Variants in FDFT1 observed in about 807,000 individuals in gnomAD.
The protein encoded by FDFT1 is squalene synthase.
In FDFT1, 68 loss-of-function variants were observed where a neutral mutation model predicts 46.8. That is an observed-to-expected ratio of 1.45 (90% confidence interval 1.19 to 1.78). The LOEUF (loss-of-function observed/expected upper bound fraction) is 1.78. Ranked by LOEUF, FDFT1 falls within the 40% of genes most tolerant of loss-of-function variation. The pLI, the probability that FDFT1 is intolerant of heterozygous loss-of-function variation, is 0.00. For missense variants in FDFT1, 928 were observed against 524.4 expected (o/e 1.77, Z -7.52); for synonymous variants, 351 against 185.1 (o/e 1.90, Z -7.28).
At chr8:11,811,582 TC>T (rs1807718739) in intron 3 of FDFT1, among the ~76,000 whole-genome samples, 1 of 152,230 alleles carries the variant, frequency 6.6e-6, no homozygotes, top group Non-Finnish European at 1.5e-5. Context: ...TTCAGTGTCT[TC>T]CTGTGTTCAT....
intron 2 of FDFT1, 157 bp downstream of exon 2, chr8:11,809,048 G>T: frequency 7.5e-7 from 1 of 1,339,382 alleles, no homozygotes; most frequent in Non-Finnish European, 9.9e-7. Flanking sequence ...ACTTTAGAAA[G>T]CCCTTCCAGG....
In FDFT1 at chr8:11,838,839, C is replaced by CTT; in HGVS notation, c.*231_*232dup. ...CTTGTGGGTGATGATCACTGTGCTG[C>CTT]TTGTGGCTCATGGCAGAGCATTCAG... On this transcript the variant is annotated 3_prime_UTR_variant, in exon 8 of 8. Transcript: ENST00000220584. The CTT allele has an allele frequency of 1.8e-6, 1 of 551,348 alleles. No individual in the cohort carries two copies. The highest frequency in any genetic ancestry group is 2.0e-5 in the South Asian group (1 of 49,680). 34.2% of individuals were successfully genotyped at this position (551,348 alleles called of 1,614,324 possible). A position where few individuals can be genotyped will look rare whatever the true frequency, so the allele number is the denominator to read the frequency against.
At chr8:11,801,936 G>A (rs750324273), upstream of FDFT1, 2 of 454,964 alleles carry the variant, frequency 4.4e-6, no homozygotes, top group South Asian at 3.1e-5. Flanking sequence ...TGATCCACCC[G>A]CCTTGGCCTC....
chr8:11,809,400 T>C (rs1168794451), intron 2 of FDFT1: 1 of 1,207,696 alleles, frequency 8.3e-7, no homozygotes, highest in African/African-American at 1.6e-5. Flanking sequence ...TCCATAGTTC[T>C]ACATTGGTTA....
intron 3 of FDFT1, among the ~76,000 whole-genome samples, chr8:11,816,867 C>A (rs773097339): frequency 1.6e-4 from 25 of 152,188 alleles, no homozygotes; most frequent in Non-Finnish European, 3.4e-4. Flanking sequence ...ATTTCTTTCT[C>A]TTGCCTGATT....
At chr8:11,837,958 T>C (rs917448874) in intron 7 of FDFT1, among the ~76,000 whole-genome samples, 3 of 152,190 alleles carry the variant, frequency 2.0e-5, no homozygotes, top group African/African-American at 4.8e-5. Flanking sequence ...TGTCAAGCTG[T>C]GGTCTGTACT....
At chr8:11,823,979 C>T (rs1019904300) in intron 4 of FDFT1, among the ~76,000 whole-genome samples, 2 of 152,080 alleles carry the variant, frequency 1.3e-5, no homozygotes, top group African/African-American at 4.8e-5. Context: ...CTCCTGGGCT[C>T]AAGCGATTCA....
rs762956536 is a variant in FDFT1 at position 11,830,430 on chromosome 8, G to A, written c.879+10G>A. ...CTGTGCTATTCCACAGGTAGGGAAG[G>A]GGGCTCCTCTGGGTGGATACGGGGC... On this transcript the variant is annotated intron_variant, in intron 6 of 7. Coordinates refer to ENST00000220584, the MANE Select transcript of FDFT1 (RefSeq NM_004462.5). The A allele has an allele frequency of 8.1e-6, 13 of 1,602,278 alleles. No individual in the cohort carries two copies. Among genetic ancestry groups the A allele is most frequent in the Admixed American group, 5.0e-5 (3 of 59,952 alleles).
intron 2 of FDFT1, chr8:11,809,288 C>T (rs760554389): frequency 2.7e-6 from 3 of 1,095,836 alleles, no homozygotes; most frequent in Non-Finnish European, 3.3e-6. Context: ...GACCAGTTGC[C>T]TTTATGTATG....
At chr8:11,802,264 C>T (rs1304705934), upstream of FDFT1, 1 of 383,772 alleles carries the variant, frequency 2.6e-6, no homozygotes, top group Non-Finnish European at 5.1e-6. Flanking sequence ...TTAGGCTCTA[C>T]AGAGAGCGGC....
rs531759815 is a variant in FDFT1 at position 11,832,551 on chromosome 8, C to CAAAAAAAAAAAA, written c.1032+895_1032+906dup. Among the ~76,000 whole-genome samples, 51 of 36,372 alleles carry CAAAAAAAAAAAA rather than the reference C, an allele frequency of 1.4e-3. 6 individuals carry two copies. The highest frequency in any genetic ancestry group is 1.8e-3 in the Non-Finnish European group (33 of 18,128). The allele number at this position is 36,372 out of a possible 152,430, so 23.9% of individuals were successfully genotyped here. A position where few individuals can be genotyped will look rare whatever the true frequency, so the allele number is the denominator to read the frequency against. ...TGGGTGATAGAGTGAGACTTTGTCT[C>CAAAAAAAAAAAA]AAAAAAAAAAAAAAAAAAAAAAAAA... On this transcript the variant is annotated intron_variant, in intron 7 of 7. Coordinates refer to ENST00000220584, the MANE Select transcript of FDFT1 (RefSeq NM_004462.5).
At chr8:11,799,335 C>G (rs73207250), upstream of FDFT1, among the ~76,000 whole-genome samples, 1,991 of 152,308 alleles carry the variant, frequency 0.013, 21 homozygotes, top group Non-Finnish European at 0.018. Flanking sequence ...TCTGGTGGAG[C>G]TGCAGGTGTT....
chr8:11,808,280 G>A (rs1015852464), intron 1 of FDFT1: 8 of 1,221,090 alleles, frequency 6.6e-6, no homozygotes, highest in African/African-American at 4.7e-5. Context: ...GAGCCGCTCG[G>A]AAGTGCGCTG....
chr8:11,827,942 C>T (rs1416702182), intron 5 of FDFT1, among the ~76,000 whole-genome samples: 4 of 152,020 alleles, frequency 2.6e-5, no homozygotes, highest in Non-Finnish European at 4.4e-5. Context: ...TGACTCCTGC[C>T]TATAATCCCA....
At chr8:11,811,082 A>C (rs1334267532) in intron 3 of FDFT1, among the ~76,000 whole-genome samples, 1 of 152,206 alleles carries the variant, frequency 6.6e-6, no homozygotes, top group Non-Finnish European at 1.5e-5. Flanking sequence ...GCTGAAGAAT[A>C]ATTCGAGTTT....
chr8:11,808,887 A>G lies in FDFT1; in HGVS notation c.193A>G (p.Met65Val). The stretch of plus-strand genomic sequence containing the variant: ...TGTTATCCAGGCGCTGGATGGGGAA[A>G]TGCGGTGAGTGATGGAGGCAGCGCC... The part of the protein sequence containing the change: ...AAVIQALDGE[M>V]RNAVCIFYLV... Residue 65 changes from methionine (M) to valine (V), a missense_variant, in exon 2 of 8, where the codon ATG becomes GTG. By Grantham distance (21) the Met-to-Val change is conservative. Coordinates refer to ENST00000220584, the MANE Select transcript of FDFT1 (RefSeq NM_004462.5). 1.9e-6 allele frequency: 3 copies of G among 1,613,516 alleles called. No individual in the cohort carries two copies. The highest frequency in any genetic ancestry group is 2.5e-6 in the Non-Finnish European group (3 of 1,179,792).
chr8:11,808,737 C>CACTCCCACTCCCACTCCCACTCCA, intron 1 of FDFT1, 57 bp from the exon 2 acceptor site: 1 of 1,554,054 alleles, frequency 6.4e-7, no homozygotes, highest in Non-Finnish European at 8.7e-7. Flanking sequence ...CTCCCACTCC[C>CACTCCCACTCCCACTCCCACTCCA]ACTCCCACTC....
chr8:11,803,102 A>G, intron 1 of FDFT1, 171 bp downstream of exon 1: 1 of 1,434,946 alleles, frequency 7.0e-7, no homozygotes, highest in Non-Finnish European at 9.1e-7. Context: ...GCCCGGGTGG[A>G]CGCGGCCGTC....
chr8:11,814,177 C>T (rs1432072819), intron 3 of FDFT1, among the ~76,000 whole-genome samples: 1 of 152,060 alleles, frequency 6.6e-6, no homozygotes, highest in African/African-American at 2.4e-5. Context: ...CTAATAACCT[C>T]TTGTAGAATC....
Sources: allele counts gnomAD v4.1 joint callset (sites outside exome capture counted in the v4.1 genomes callset), GRCh38; gene constraint gnomAD v4.1.1; transcripts MANE v1.5; gene names NCBI Gene and HGNC (gene_info 2026-07-23, HGNC 2026-07-21).